Variants in ACBD5 observed in about 807,000 individuals in gnomAD.
ACBD5 encodes the protein acyl-CoA-binding domain-containing protein 5.
ACBD5 carries 40 observed loss-of-function variants against 71.8 expected under a neutral mutation model. The observed-to-expected ratio is 0.56, with a 90% CI of 0.43 to 0.72. The LOEUF is 0.72. Among genes scored for constraint, ACBD5 ranks in the 30% least tolerant of loss-of-function variants. The pLI is 0.00. For missense variants in ACBD5, 559 were observed against 644.5 expected (o/e 0.87, Z 1.44); for synonymous variants, 229 against 218.6 (o/e 1.05, Z -0.42).
Position 27,204,561 on chromosome 10 carries a change from C to T in ACBD5, c.1456-12G>A. On this transcript the variant is annotated splice_polypyrimidine_tract_variant and intron_variant, in intron 11 of 12. Transcript: ENST00000396271. ...CACCAAGATGGTCTCTGAGAAAATA[C>T]AATAAGCTTGTCACCAATCTATTCA... The T allele has an allele frequency of 6.3e-7, 1 of 1,596,200 alleles. No homozygotes were observed. The highest frequency in any genetic ancestry group is 8.6e-7 in the Non-Finnish European group (1 of 1,164,038).
downstream of ACBD5, among the ~76,000 whole-genome samples, chr10:27,193,114 C>CGTGTGTGTGTGTGTGTGT (rs58983291): frequency 1.2e-5 from 1 of 80,244 alleles, no homozygotes; most frequent in Non-Finnish European, 2.4e-5. Context: ...TTCCTTCCTT[C>CGTGTGTGTGTGTGTGTGT]GTGTGTGTGT....
At chr10:27,187,278 C>T (rs1212941743) in intron 13 of ACBD5, among the ~76,000 whole-genome samples, 1 of 151,988 alleles carries the variant, frequency 6.6e-6, no homozygotes, top group Non-Finnish European at 1.5e-5. Flanking sequence ...CCAGCCTGGG[C>T]AACAGAACAA....
chr10:27,240,573 T>C lies in ACBD5; in HGVS notation c.16-89A>G. On this transcript the variant is annotated intron_variant, in intron 1 of 12. Coordinates refer to ENST00000396271, the MANE Select transcript of ACBD5 (RefSeq NM_145698.5). The surrounding 1 kb of genome is among the most constrained non-coding windows in gnomAD (Gnocchi z 4.1). ...GGGTCAGTTCCCCTTTGCCCTGCCC[T>C]ATCCAGGCCACACAGATCGAAGCGG... is the stretch of plus-strand genomic sequence containing the variant. 1 of 1,551,196 alleles carries C rather than the reference T, an allele frequency of 6.4e-7. No homozygotes were observed. The highest frequency in any genetic ancestry group is 1.2e-5 in the South Asian group (1 of 84,182).
chr10:27,210,279 G>T (rs1464973246), intron 9 of ACBD5, among the ~76,000 whole-genome samples: 14 of 152,206 alleles, frequency 9.2e-5, no homozygotes. Context: ...AGCTGAACCT[G>T]CATCAAGCAT....
chr10:27,201,217 A>G (rs2059894822), intron 12 of ACBD5, among the ~76,000 whole-genome samples: 1 of 152,214 alleles, frequency 6.6e-6, no homozygotes, highest in Non-Finnish European at 1.5e-5. Flanking sequence ...CTTAGACTTA[A>G]CAGGTCTGCT....
chr10:27,240,850 T>A, upstream of ACBD5: 1 of 1,098,730 alleles, frequency 9.1e-7, no homozygotes, highest in Non-Finnish European at 1.3e-6. The surrounding 1 kb of genome is among the most constrained non-coding windows in gnomAD (Gnocchi z 4.1). Flanking sequence ...GAGGACCCAC[T>A]GGCGCCGCCG....
At chr10:27,207,283 A>C (rs61125165) in intron 10 of ACBD5, among the ~76,000 whole-genome samples, 10,395 of 103,584 alleles carry the variant, frequency 0.1, 679 homozygotes, top group African/African-American at 0.2. Context: ...TCAAAAAAAA[A>C]CCCATAATAA....
At chr10:27,241,990 G>A (rs750048747), upstream of ACBD5, 11 of 453,136 alleles carry the variant, frequency 2.4e-5, no homozygotes, top group Middle Eastern at 7.0e-4. Context: ...GGTTAGGAGG[G>A]TTACTAGGAA....
At chr10:27,233,477 C>A (rs114782852) in intron 3 of ACBD5, among the ~76,000 whole-genome samples, 2,838 of 151,004 alleles carry the variant, frequency 0.019, 79 homozygotes, top group African/African-American at 0.064. Context: ...CACCTGTAAT[C>A]CCAGCCAAGG....
intron 12 of ACBD5, among the ~76,000 whole-genome samples, chr10:27,199,639 GCCTTCTGC>G (rs2059709708): frequency 6.6e-6 from 1 of 152,076 alleles, no homozygotes; most frequent in Non-Finnish European, 1.5e-5. Flanking sequence ...TTGTGTCAGT[GCCTTCTGC>G]CCTAGGCTCC....
intron 12 of ACBD5, among the ~76,000 whole-genome samples, chr10:27,197,701 A>G (rs1251109984): frequency 6.6e-6 from 1 of 152,206 alleles, no homozygotes; most frequent in African/African-American, 2.4e-5. Context: ...GCTGGACTGC[A>G]ATGGTGCCAT....
At chr10:27,213,693 G>GT (rs2061342403) in intron 8 of ACBD5, among the ~76,000 whole-genome samples, 1 of 152,014 alleles carries the variant, frequency 6.6e-6, no homozygotes, top group Non-Finnish European at 1.5e-5. Context: ...GGAGGCGGAG[G>GT]TTGCAGTGAG....
intron 4 of ACBD5, among the ~76,000 whole-genome samples, chr10:27,228,789 G>GTT (rs1491145230): frequency 3.1e-5 from 1 of 31,786 alleles, no homozygotes; most frequent in Non-Finnish European, 7.4e-5. Flanking sequence ...ATCCTATTAT[G>GTT]TTTATATATA....
downstream of ACBD5, among the ~76,000 whole-genome samples, chr10:27,193,690 T>C (rs2059178690): frequency 6.6e-6 from 1 of 152,120 alleles, no homozygotes; most frequent in African/African-American, 2.4e-5. Flanking sequence ...TAAATGTACT[T>C]CACTATCTTG....
chr10:27,224,756 C>T (rs550276966), intron 4 of ACBD5, among the ~76,000 whole-genome samples: 2 of 152,250 alleles, frequency 1.3e-5, no homozygotes, highest in East Asian at 3.9e-4. Flanking sequence ...AGGGGCCGGG[C>T]GTGGTGGCTC....
chr10:27,218,262 G>A lies in ACBD5; in HGVS notation c.626-79C>T, dbSNP rs985440270. ...GCATACCATGTTTTAATATCCAGCT[G>A]TTATTTCCCTAACCTACCACAATCC... On this transcript the variant is annotated intron_variant, in intron 6 of 12. Transcript: ENST00000396271. 7 of 1,143,416 alleles carry A rather than the reference G, an allele frequency of 6.1e-6. No individual in the cohort carries two copies. The Admixed American group carries it at 1.2e-4, about 19-fold the overall frequency. 70.8% of individuals were successfully genotyped at this position (1,143,416 alleles called of 1,614,324 possible).
At chr10:27,204,629 T>G (rs1241787659) in intron 11 of ACBD5, 80 bp from the exon 12 acceptor site, 1 of 1,018,122 alleles carries the variant, frequency 9.8e-7, no homozygotes, top group African/African-American at 1.6e-5. Flanking sequence ...ATTCATAATT[T>G]TGAAAGTAGA....
intron 9 of ACBD5, 126 bp downstream of exon 9, chr10:27,210,688 G>A (rs1388003585): frequency 2.6e-5 from 32 of 1,246,380 alleles, no homozygotes; most frequent in Non-Finnish European, 3.5e-5. Context: ...AACCCGGGAG[G>A]CAGAGGTTGC....
chr10:27,226,613 C>T (rs1208474340), intron 4 of ACBD5, among the ~76,000 whole-genome samples: 6 of 151,212 alleles, frequency 4.0e-5, no homozygotes, highest in African/African-American at 1.5e-4. Flanking sequence ...CTTTAAATAC[C>T]CAACACAAAT....
Sources: gnomAD v4.1 joint callset for allele counts (sites outside exome capture counted in the v4.1 genomes callset) on GRCh38, gnomAD v4.1.1 for gene constraint, Gnocchi (gnomAD v3.1) non-coding constraint, MANE v1.5 for transcripts, NCBI Gene and HGNC (gene_info 2026-07-23, HGNC 2026-07-21) for gene names.